Variants in CEP85L observed in about 807,000 individuals in gnomAD.
CEP85L encodes the protein centrosomal protein 85L.
In CEP85L, 60 loss-of-function variants were observed where a neutral mutation model predicts 100.3. That is an observed-to-expected ratio of 0.60 (90% CI 0.49 to 0.74). The LOEUF (loss-of-function observed/expected upper bound fraction) is 0.74, where lower values mean the gene tolerates loss of function less well. Among genes scored for constraint, CEP85L ranks in the 30% least tolerant of loss-of-function variants. CEP85L has a pLI of 0.00. For missense variants in CEP85L, 973 were observed against 936.2 expected (o/e 1.04, Z -0.51); for synonymous variants, 319 against 322.7 (o/e 0.99, Z 0.12).
At chr6:118,535,072 A>G (rs913222976) in intron 3 of CEP85L, among the ~76,000 whole-genome samples, 2 of 152,126 alleles carry the variant, frequency 1.3e-5, no homozygotes, top group African/African-American at 4.8e-5. Context: ...TAAAACTAAA[A>G]ACACGTCCAC....
In CEP85L at chr6:118,605,386, T is replaced by C. The variant is rs568716011; in HGVS notation, c.232+27067A>G. 3.9e-5 allele frequency among the ~76,000 whole-genome samples: 6 copies of C among 152,320 alleles called. No individual in the cohort carries two copies. In the South Asian group the frequency reaches 1.0e-3, roughly 26 times the overall value. On this transcript the variant is annotated intron_variant, in intron 2 of 12. Coordinates refer to ENST00000368491, the MANE Select transcript of CEP85L (RefSeq NM_001042475.3). ...TTCCAGGTGGCCAAGAGCATACTTC[T>C]CCGATCCAAGTGTGCAAAGAGTCAA...
At chr6:118,476,286 T>G (rs970556181) in intron 10 of CEP85L, among the ~76,000 whole-genome samples, 9 of 151,968 alleles carry the variant, frequency 5.9e-5, no homozygotes, top group African/African-American at 2.2e-4. Context: ...TGTGTGCGTT[T>G]TTTTTTTTTT....
chr6:118,531,997 T>C (rs535479852), intron 3 of CEP85L, among the ~76,000 whole-genome samples: 2 of 152,328 alleles, frequency 1.3e-5, no homozygotes, highest in Admixed American at 1.3e-4. Flanking sequence ...AATCCCATTA[T>C]TGGGTATATA....
rs1048090101 is a variant in CEP85L at position 118,651,494 on chromosome 6, C to G, written c.-225G>C. 1.7e-5 allele frequency: 21 copies of G among 1,269,690 alleles called. No homozygotes were observed. The highest frequency in any genetic ancestry group is 2.0e-5 in the Non-Finnish European group (20 of 1,008,704). 78.7% of individuals were successfully genotyped at this position (1,269,690 alleles called of 1,614,324 possible). A position where few individuals can be genotyped will look rare whatever the true frequency, so the allele number is the denominator to read the frequency against. ...TGGCCAAGCCGGCTGGGCTGAGGCC[C>G]GCGCCGGGGAAGCGGCGACTCGGCG... On this transcript the variant is annotated 5_prime_UTR_variant, in exon 1 of 13. Transcript: ENST00000368491.
intron 2 of CEP85L, among the ~76,000 whole-genome samples, chr6:118,618,748 G>A (rs78999834): frequency 6.6e-4 from 100 of 152,298 alleles, no homozygotes; most frequent in African/African-American, 2.3e-3. Context: ...CTGGCCTAGA[G>A]GACATCAACC....
In CEP85L at chr6:118,516,412, C is replaced by T. The variant is rs188489299; in HGVS notation, c.1140-4997G>A. On this transcript the variant is annotated intron_variant, in intron 4 of 12. Transcript: ENST00000368491. ...TATCTCTCCACATCCTCTCCAGCAT[C>T]TGTTGTTTCCTGACTTTTTAAGGAT... Among the ~76,000 whole-genome samples, 339 of 152,286 alleles carry T rather than the reference C, an allele frequency of 2.2e-3. 1 individual carries two copies. Among genetic ancestry groups the T allele is most frequent in the South Asian group, 9.5e-3 (46 of 4,822 alleles).
chr6:118,631,925 T>A (rs376707674), intron 2 of CEP85L, among the ~76,000 whole-genome samples: 2 of 152,172 alleles, frequency 1.3e-5, no homozygotes, highest in East Asian at 3.8e-4. Flanking sequence ...TGTATATAAA[T>A]CTATAATTAT....
chr6:118,699,879 G>C (rs1777355078), intron 1 of CEP85L, among the ~76,000 whole-genome samples: 1 of 152,126 alleles, frequency 6.6e-6, no homozygotes, highest in South Asian at 2.1e-4. Flanking sequence ...ATTTTTAGTA[G>C]AGACAGGGTT....
chr6:118,511,362 CG>C lies in CEP85L; in HGVS notation c.1192del (p.Arg398GlyfsTer7). The C allele has an allele frequency of 1.2e-6, 2 of 1,613,028 alleles. No homozygotes were observed. Among genetic ancestry groups the C allele is most frequent in the Non-Finnish European group, 8.5e-7 (1 of 1,179,386 alleles). On this transcript the variant is annotated frameshift_variant, in exon 5 of 13. Coordinates refer to ENST00000368491, the MANE Select transcript of CEP85L (RefSeq NM_001042475.3). LOFTEE classifies it high-confidence loss of function. ...ATGTCCTAACATGGCATGTTGAGCCCGTAATTCATTATCCCTTATCCTCTCA... is the reference window on the plus strand; with the variant it reads ...ATGTCCTAACATGGCATGTTGAGCCCTAATTCATTATCCCTTATCCTCTCA... ...LHERIRDNELRAQHAMLGHYV... is the reference protein window; with the variant it reads ...LHERIRDNELXAQHAMLGHYV...
intron 10 of CEP85L, among the ~76,000 whole-genome samples, chr6:118,474,994 T>C (rs1306521471): frequency 1.3e-5 from 2 of 152,190 alleles, no homozygotes; most frequent in Non-Finnish European, 2.9e-5. Context: ...AGAGCTAGAA[T>C]GGATCAGTTT....
At chr6:118,527,862 G>A (rs1204399203) in intron 3 of CEP85L, among the ~76,000 whole-genome samples, 1 of 152,020 alleles carries the variant, frequency 6.6e-6, no homozygotes, top group Non-Finnish European at 1.5e-5. Context: ...CAGTTGACAT[G>A]TACTTTAAGT....
chr6:118,685,745 CA>C (rs1776808079), intron 1 of CEP85L, among the ~76,000 whole-genome samples: 1 of 149,514 alleles, frequency 6.7e-6, no homozygotes, highest in Non-Finnish European at 1.5e-5. Flanking sequence ...ACAAATGGAA[CA>C]AACATAAAGA....
chr6:118,609,189 T>G (rs1347864956), intron 2 of CEP85L, among the ~76,000 whole-genome samples: 1 of 152,146 alleles, frequency 6.6e-6, no homozygotes, highest in Non-Finnish European at 1.5e-5. Context: ...CAGCAAAAGG[T>G]CTGGAAGAAC....
chr6:118,580,545 A>G (rs1191153684), intron 2 of CEP85L, among the ~76,000 whole-genome samples: 1 of 152,248 alleles, frequency 6.6e-6, no homozygotes, highest in African/African-American at 2.4e-5. Context: ...GCTGGTGAGA[A>G]CATGGAGAAC....
chr6:118,709,558 A>T (rs1092208), intron 1 of CEP85L, among the ~76,000 whole-genome samples: 89,036 of 110,404 alleles, frequency 0.81, 35,519 homozygotes, highest in Non-Finnish European at 0.89. Flanking sequence ...TGTGTGTGTG[A>T]GAGAGAGAGA....
At chr6:118,513,132 AAGAAACACTAG>A (rs1365319324) in intron 4 of CEP85L, among the ~76,000 whole-genome samples, 6 of 152,188 alleles carry the variant, frequency 3.9e-5, no homozygotes, top group African/African-American at 1.4e-4. Flanking sequence ...ACTATCTAAA[AAGAAACACTAG>A]AGAAAAAAGG....
chr6:118,559,162 G>A (rs1779082924), intron 3 of CEP85L: 4 of 1,017,946 alleles, frequency 3.9e-6, no homozygotes, highest in Non-Finnish European at 6.3e-6. Flanking sequence ...AAACAATATT[G>A]TATAACAGAC....
At chr6:118,537,803 A>T in intron 3 of CEP85L, 1 of 985,322 alleles carries the variant, frequency 1.0e-6, no homozygotes, top group Non-Finnish European at 1.2e-6. Context: ...CAAGTTTGTT[A>T]TCTCTCCTTC....
At chr6:118,498,162 T>C (rs1417118505) in intron 5 of CEP85L, among the ~76,000 whole-genome samples, 1 of 152,068 alleles carries the variant, frequency 6.6e-6, no homozygotes, top group Non-Finnish European at 1.5e-5. Flanking sequence ...AGAAGTGTAA[T>C]AAAGTAGAAA....
Sources: allele counts gnomAD v4.1 joint callset (sites outside exome capture counted in the v4.1 genomes callset), GRCh38; gene constraint gnomAD v4.1.1; transcripts MANE v1.5; gene names NCBI Gene and HGNC (gene_info 2026-07-23, HGNC 2026-07-21).